Variants in SHLD1 observed in about 807,000 individuals in gnomAD.
SHLD1 encodes the protein RINN1-REV7-interacting novel NHEJ regulator 3.
Under a neutral mutation model 5.5 loss-of-function variants are expected in SHLD1, and 3 were observed. The observed-to-expected ratio is 0.54, with a 90% confidence interval of 0.25 to 1.40. The LOEUF is 1.40. Ranked by LOEUF, SHLD1 falls within the 40% of genes most tolerant of loss-of-function variation. The pLI is 0.15. For synonymous variants in SHLD1, 92 were observed against 94.3 expected, an observed-to-expected ratio of 0.98 and a Z score of 0.14; for missense variants, 210 against 244.4, an observed-to-expected ratio of 0.86 and a Z score of 0.94.
intron 2 of SHLD1, among the ~76,000 whole-genome samples, chr20:5,810,687 A>G (rs1348780743): frequency 1.3e-5 from 2 of 150,914 alleles, no homozygotes; most frequent in African/African-American, 5.0e-5. Flanking sequence ...TGAGATCAAG[A>G]GTTTTGAGAC....
At chr20:5,831,463 A>G in intron 2 of SHLD1, among the ~76,000 whole-genome samples, 1 of 152,158 alleles carries the variant, frequency 6.6e-6, no homozygotes, top group East Asian at 1.9e-4. Flanking sequence ...CTTGACCACA[A>G]GTTCGTTGAA....
chr20:5,764,158 T>TA (rs1568490077), intron 1 of SHLD1, among the ~76,000 whole-genome samples: 6 of 72,048 alleles, frequency 8.3e-5, no homozygotes, highest in African/African-American at 3.1e-4. Flanking sequence ...ATATTTATAT[T>TA]TATATATATA....
rs190273404 is a variant in SHLD1 at position 5,757,163 on chromosome 20, T to G, written c.-5+6684T>G. Among the ~76,000 whole-genome samples the G allele has an allele frequency of 3.0e-3, 439 of 146,958 alleles. 3 individuals are homozygous for G. The highest frequency in any genetic ancestry group is 0.01 in the African/African-American group (413 of 39,592). ...TTGGCTCACTGCAACCTCTGCCTCC[T>G]GGGTTCAAGTGATTCTTCTGCCTTA... On this transcript the variant is annotated intron_variant, in intron 1 of 2. Transcript: ENST00000303142.
intron 1 of SHLD1, among the ~76,000 whole-genome samples, chr20:5,751,561 T>C (rs1983751656): frequency 6.6e-6 from 1 of 152,152 alleles, no homozygotes; most frequent in Non-Finnish European, 1.5e-5. Flanking sequence ...TGCCTCAGCC[T>C]CTCAAAGTGC....
At chr20:5,755,249 T>C (rs902765188) in intron 1 of SHLD1, among the ~76,000 whole-genome samples, 2 of 152,118 alleles carry the variant, frequency 1.3e-5, no homozygotes, top group African/African-American at 4.8e-5. Context: ...CCCCGGGCCA[T>C]GGACCAGCAC....
intron 2 of SHLD1, among the ~76,000 whole-genome samples, chr20:5,848,818 G>GGTGGCCTCTTAGAGGACC (rs966089833): frequency 6.6e-6 from 1 of 151,942 alleles, no homozygotes; most frequent in Non-Finnish European, 1.5e-5. Context: ...ATTCCTCCGT[G>GGTGGCCTCTTAGAGGACC]GTGGCCTCTT....
At chr20:5,776,288 T>C (rs1015408993) in intron 2 of SHLD1, among the ~76,000 whole-genome samples, 8 of 152,026 alleles carry the variant, frequency 5.3e-5, no homozygotes, top group African/African-American at 1.7e-4. Flanking sequence ...TTCTCACAGC[T>C]CCAGAGGCTG....
intron 2 of SHLD1, among the ~76,000 whole-genome samples, chr20:5,787,720 CATATAAGTGA>C (rs2087079157): frequency 6.6e-6 from 1 of 152,150 alleles, no homozygotes. Flanking sequence ...ATGAAAAACA[CATATAAGTGA>C]AACTTGATAA....
chr20:5,760,171 A>G (rs79725635), intron 1 of SHLD1, among the ~76,000 whole-genome samples: 2,094 of 152,242 alleles, frequency 0.014, 29 homozygotes, highest in Non-Finnish European at 0.021. Context: ...TCGAACAGAA[A>G]ACAGAGAAGG....
chr20:5,767,137 C>CTT (rs970387518), intron 1 of SHLD1, among the ~76,000 whole-genome samples: 1 of 145,536 alleles, frequency 6.9e-6, no homozygotes, highest in East Asian at 1.9e-4. Context: ...CTTTTCTTTT[C>CTT]TTTTCTTTTC....
intron 2 of SHLD1, among the ~76,000 whole-genome samples, chr20:5,785,375 C>T (rs923293143): frequency 1.3e-5 from 2 of 152,112 alleles, no homozygotes; most frequent in Non-Finnish European, 2.9e-5. Context: ...TAGAGAGGCT[C>T]GTTTCATATT....
At chr20:5,774,648 G>A (rs1298675798) in intron 2 of SHLD1, among the ~76,000 whole-genome samples, 1 of 152,090 alleles carries the variant, frequency 6.6e-6, no homozygotes, top group Non-Finnish European at 1.5e-5. Context: ...AGAAAGAGAG[G>A]GGGAAGGTGC....
At chr20:5,831,874 AT>A (rs962900522) in intron 2 of SHLD1, among the ~76,000 whole-genome samples, 7 of 151,428 alleles carry the variant, frequency 4.6e-5, no homozygotes, top group Admixed American at 3.9e-4. Flanking sequence ...ATTTTGTTGT[AT>A]TTTTTTTTCT....
At chr20:5,851,737 A>T (rs2088013318) in intron 2 of SHLD1, among the ~76,000 whole-genome samples, 1 of 151,978 alleles carries the variant, frequency 6.6e-6, no homozygotes, top group Non-Finnish European at 1.5e-5. Context: ...TATATATTTG[A>T]TATCGTTTGG....
chr20:5,857,100 C>T (rs1401315624), intron 2 of SHLD1, among the ~76,000 whole-genome samples: 4 of 151,882 alleles, frequency 2.6e-5, no homozygotes, highest in Non-Finnish European at 4.4e-5. Flanking sequence ...TCTTGCCTCC[C>T]GAGTAGCTGG....
intron 2 of SHLD1, among the ~76,000 whole-genome samples, chr20:5,821,510 TCAAAA>T (rs749681534): frequency 3.3e-5 from 5 of 152,078 alleles, no homozygotes; most frequent in Non-Finnish European, 7.4e-5. Flanking sequence ...TGACTCTATC[TCAAAA>T]CAAAACAAAA....
Position 5,789,182 on chromosome 20 carries a change from T to G in SHLD1, c.178+16139T>G, listed in dbSNP as rs2087103521. On this transcript the variant is annotated intron_variant, in intron 2 of 2. Transcript: ENST00000303142. ...AGAAAAAGTGATGTCTGATTTTTCTTTATACGTTTGCCAATAAAAGTTGTG... is the reference window on the plus strand; with the variant it reads ...AGAAAAAGTGATGTCTGATTTTTCTGTATACGTTTGCCAATAAAAGTTGTG... Among the ~76,000 whole-genome samples the G allele has an allele frequency of 1.4e-5, 2 of 143,182 alleles. 1 individual carries two copies. Among genetic ancestry groups the G allele is most frequent in the South Asian group, 4.5e-4 (2 of 4,428 alleles). 93.9% of individuals were successfully genotyped at this position (143,182 alleles called of 152,430 possible).
At chr20:5,753,244 A>G (rs946617286) in intron 1 of SHLD1, among the ~76,000 whole-genome samples, 5 of 152,254 alleles carry the variant, frequency 3.3e-5, no homozygotes, top group African/African-American at 1.2e-4. Context: ...TGTAGGATGT[A>G]TCCTAACCTA....
At chr20:5,772,204 AT>A (rs754506594) in intron 1 of SHLD1, 1 of 453,796 alleles carries the variant, frequency 2.2e-6, no homozygotes, top group South Asian at 1.6e-5. Context: ...TAAAGAAAGT[AT>A]TTTGTGGCCT....
Sources: gnomAD v4.1 joint callset for allele counts (sites outside exome capture counted in the v4.1 genomes callset) on GRCh38, gnomAD v4.1.1 for gene constraint, MANE v1.5 for transcripts, NCBI Gene and HGNC (gene_info 2026-07-23, HGNC 2026-07-21) for gene names.